STK31: variants seen among roughly 807,000 people sequenced by gnomAD.
STK31 encodes serine/threonine-protein kinase 31.
A neutral mutation model predicts 129.7 loss-of-function variants in STK31; 89 were observed. The observed-to-expected ratio is 0.69, with a 90% CI of 0.58 to 0.82. STK31 has a LOEUF of 0.82. STK31 is among the 40% of genes least tolerant of loss of function. The pLI is 0.00. For synonymous variants in STK31, 448 were observed against 395.3 expected, an observed-to-expected ratio of 1.13 and a Z score of -1.58; for missense variants, 1,187 against 1,176.4, an observed-to-expected ratio of 1.01 and a Z score of -0.13.
chr7:23,805,721 G>A (rs542750402), intron 22 of STK31, among the ~76,000 whole-genome samples: 1 of 152,272 alleles, frequency 6.6e-6, no homozygotes, highest in Admixed American at 6.5e-5. Flanking sequence ...CTGGGCTCAA[G>A]CAATTTGTCC....
chr7:23,732,023 G>A (rs1040814498), intron 6 of STK31, among the ~76,000 whole-genome samples: 3 of 152,114 alleles, frequency 2.0e-5, no homozygotes, highest in African/African-American at 7.2e-5. Flanking sequence ...AAAAAGTTAA[G>A]TTTTGTCCAG....
chr7:23,783,548 A>T, intron 16 of STK31, 35 bp from the exon 17 acceptor site: 4 of 1,498,518 alleles, frequency 2.7e-6, no homozygotes, highest in Non-Finnish European at 3.7e-6. Context: ...ATATATATTG[A>T]TCTACAGTTA....
intron 10 of STK31, among the ~76,000 whole-genome samples, chr7:23,758,947 A>G (rs536777901): frequency 6.6e-6 from 1 of 152,342 alleles, no homozygotes; most frequent in Admixed American, 6.5e-5. Context: ...ATGGAGGGAA[A>G]TTTACCAAAC....
intron 22 of STK31, among the ~76,000 whole-genome samples, chr7:23,814,149 ATT>A (rs371961794): frequency 8.4e-6 from 1 of 119,216 alleles, no homozygotes. Context: ...TGGCTCACTT[ATT>A]TTTTTTTTTT....
intron 22 of STK31, among the ~76,000 whole-genome samples, chr7:23,810,476 CCTTCCT>C (rs1793016205): frequency 1.1e-5 from 1 of 93,340 alleles, no homozygotes; most frequent in African/African-American, 4.7e-5. Flanking sequence ...TCTTTTTTTC[CCTTCCT>C]GTGCATTACT....
intron 11 of STK31, among the ~76,000 whole-genome samples, chr7:23,766,896 CTAAA>C (rs1789861921): frequency 6.6e-6 from 1 of 152,098 alleles, no homozygotes; most frequent in South Asian, 2.1e-4. Flanking sequence ...GTGGGTTAAA[CTAAA>C]TAAATAAATA....
At chr7:23,748,641 A>G (rs1788499570) in intron 8 of STK31, among the ~76,000 whole-genome samples, 3 of 152,176 alleles carry the variant, frequency 2.0e-5, no homozygotes, top group South Asian at 4.1e-4. Context: ...GAGGATGAAG[A>G]CCTTAATGAT....
chr7:23,786,021 A>C (rs996331649), intron 18 of STK31, among the ~76,000 whole-genome samples: 1 of 152,052 alleles, frequency 6.6e-6, no homozygotes, highest in Non-Finnish European at 1.5e-5. Context: ...AAAAGTCATT[A>C]AATAAAGCTT....
chr7:23,824,630 C>G (rs1021131063), intron 23 of STK31, among the ~76,000 whole-genome samples: 5 of 152,190 alleles, frequency 3.3e-5, no homozygotes, highest in African/African-American at 9.6e-5. Context: ...ACTTCCAACA[C>G]TATGTTGAAT....
At chr7:23,772,381 G>T in intron 15 of STK31, 103 bp downstream of exon 15, 1 of 1,185,466 alleles carries the variant, frequency 8.4e-7, no homozygotes, top group Non-Finnish European at 1.2e-6. Flanking sequence ...CAATAAGAGA[G>T]CCATTACATT....
intron 15 of STK31, among the ~76,000 whole-genome samples, chr7:23,774,214 C>A (rs1043737371): frequency 2.0e-5 from 3 of 152,172 alleles, no homozygotes; most frequent in African/African-American, 7.2e-5. Flanking sequence ...CAAGTCTTTG[C>A]TATTGTGAAT....
At chr7:23,739,788 G>A (rs1269647196) in intron 8 of STK31, among the ~76,000 whole-genome samples, 1 of 152,148 alleles carries the variant, frequency 6.6e-6, no homozygotes, top group Non-Finnish European at 1.5e-5. Context: ...GGTTGTAGAT[G>A]TGTGGTGTTA....
chr7:23,795,883 C>T (rs1562609667), intron 22 of STK31, among the ~76,000 whole-genome samples: 1 of 152,180 alleles, frequency 6.6e-6, no homozygotes, highest in African/African-American at 2.4e-5. Flanking sequence ...ATGCCTGTAC[C>T]CCATTGTATC....
In STK31 at chr7:23,803,404, G is replaced by A. The variant is rs143246166; in HGVS notation, c.2761-11740G>A. On this transcript the variant is annotated intron_variant, in intron 22 of 23. Transcript: ENST00000355870. ...ATAATAAAAAAGTAATAGTTTGATA[G>A]CAAAGCTCTAGAATACTAACTAGAT... 3.0e-3 allele frequency among the ~76,000 whole-genome samples: 460 copies of A among 152,218 alleles called. 12 individuals are homozygous for A. The highest frequency in any genetic ancestry group is 5.3e-4 in the Non-Finnish European group (36 of 68,006).
At chr7:23,780,703 G>A (rs1335539811) in intron 15 of STK31, among the ~76,000 whole-genome samples, 2 of 152,158 alleles carry the variant, frequency 1.3e-5, no homozygotes, top group African/African-American at 2.4e-5. Flanking sequence ...CCTTTGTCCT[G>A]CACCTGAGAA....
At chr7:23,713,230 A>G (rs919506016) in intron 3 of STK31, among the ~76,000 whole-genome samples, 3 of 152,208 alleles carry the variant, frequency 2.0e-5, no homozygotes, top group Non-Finnish European at 4.4e-5. Context: ...GCTGCAGACA[A>G]TTGTAACACA....
intron 22 of STK31, among the ~76,000 whole-genome samples, chr7:23,809,909 C>G (rs771784929): frequency 6.6e-5 from 10 of 152,138 alleles, no homozygotes. Flanking sequence ...GATGTTCACA[C>G]AAGGATGAAA....
At chr7:23,776,993 C>T (rs1032416128) in intron 15 of STK31, among the ~76,000 whole-genome samples, 2 of 152,104 alleles carry the variant, frequency 1.3e-5, no homozygotes, top group African/African-American at 4.8e-5. Flanking sequence ...ACTGCTTTAG[C>T]TGTGTCCCAG....
Position 23,829,049 on chromosome 7 carries a change from C to T in STK31, c.2830-3087C>T, listed in dbSNP as rs191378516. Reference sequence around the variant, plus strand: ...CCAAGTAGCTGGGATTACAGGCGCCCGCCATGATGCCCAGCAAATTTTTTT... The same window carrying T: ...CCAAGTAGCTGGGATTACAGGCGCCTGCCATGATGCCCAGCAAATTTTTTT... On this transcript the variant is annotated intron_variant, in intron 23 of 23. Coordinates refer to ENST00000355870, the MANE Select transcript of STK31 (RefSeq NM_031414.5). Among the ~76,000 whole-genome samples, 826 of 151,862 alleles carry T rather than the reference C, an allele frequency of 5.4e-3. 8 individuals carry two copies. Among genetic ancestry groups the T allele is most frequent in the Middle Eastern group, 0.02 (6 of 294 alleles).
Sources: allele counts gnomAD v4.1 joint callset (sites outside exome capture counted in the v4.1 genomes callset), GRCh38; gene constraint gnomAD v4.1.1; transcripts MANE v1.5; gene names NCBI Gene and HGNC (gene_info 2026-07-23, HGNC 2026-07-21).